The following SENP7 variants were observed in gnomAD, a reference collection of about 807,000 sequenced individuals.
The protein encoded by SENP7 is sentrin-specific protease 7.
A neutral mutation model predicts 141.2 loss-of-function variants in SENP7; 64 were observed. The observed-to-expected ratio is 0.45, with a 90% confidence interval of 0.37 to 0.56. The LOEUF (loss-of-function observed/expected upper bound fraction) is 0.56, where lower values mean the gene tolerates loss of function less well. SENP7 is among the 20% of genes least tolerant of loss of function. SENP7 has a pLI of 0.00. For missense variants in SENP7, 1,025 were observed against 1,212.2 expected (o/e 0.85, Z 2.29); for synonymous variants, 382 against 426.4 (o/e 0.90, Z 1.28).
chr3:101,499,400 G>A (rs1054849813), intron 2 of SENP7, among the ~76,000 whole-genome samples: 2 of 152,040 alleles, frequency 1.3e-5, no homozygotes, highest in African/African-American at 4.8e-5. Flanking sequence ...ACAGAGTCTC[G>A]CTCTGTCACC....
intron 5 of SENP7, among the ~76,000 whole-genome samples, chr3:101,400,909 A>C (rs1238922503): frequency 1.3e-5 from 2 of 152,142 alleles, no homozygotes; most frequent in Admixed American, 1.3e-4. Context: ...AGCCTGGGAA[A>C]CACGGCAAGA....
intron 5 of SENP7, among the ~76,000 whole-genome samples, chr3:101,415,238 G>T (rs375497631): frequency 3.7e-5 from 4 of 107,496 alleles, no homozygotes; most frequent in Non-Finnish European, 8.9e-5. Context: ...AAGGTTCCTT[G>T]ATCCCCATTT....
chr3:101,503,491 T>C (rs1304492649), intron 1 of SENP7, among the ~76,000 whole-genome samples: 1 of 152,210 alleles, frequency 6.6e-6, no homozygotes. Context: ...ATTCATATAA[T>C]GGAAAACTGT....
At chr3:101,335,525 G>A (rs1233005165) in intron 17 of SENP7, among the ~76,000 whole-genome samples, 1 of 152,138 alleles carries the variant, frequency 6.6e-6, no homozygotes, top group Non-Finnish European at 1.5e-5. Flanking sequence ...GTGTGTGTGT[G>A]TGTAGTATCT....
intron 4 of SENP7, among the ~76,000 whole-genome samples, chr3:101,446,004 G>A (rs529816669): frequency 6.6e-6 from 1 of 152,270 alleles, no homozygotes; most frequent in Non-Finnish European, 1.5e-5. Flanking sequence ...ATGTCATATT[G>A]TAATCCCCAA....
intron 9 of SENP7, among the ~76,000 whole-genome samples, 160 bp from the exon 10 acceptor site, chr3:101,365,151 C>A (rs1388745232): frequency 2.0e-5 from 3 of 151,704 alleles, no homozygotes; most frequent in Non-Finnish European, 4.4e-5. Context: ...TACAGGCATG[C>A]GCCACCATGC....
At chr3:101,436,911 G>A (rs2062410476) in intron 4 of SENP7, among the ~76,000 whole-genome samples, 2 of 152,194 alleles carry the variant, frequency 1.3e-5, no homozygotes, top group South Asian at 4.1e-4. Context: ...GTATGATCCA[G>A]CCATTCCACT....
intron 8 of SENP7, 68 bp downstream of exon 8, chr3:101,367,762 G>T: frequency 1.0e-6 from 1 of 991,662 alleles, no homozygotes; most frequent in Non-Finnish European, 1.5e-6. Context: ...ACATTATTTG[G>T]CCACAGTCAA....
At chr3:101,327,619 GTATGGTGGTAAC>G in intron 23 of SENP7, 35 bp downstream of exon 23, 1 of 1,461,776 alleles carries the variant, frequency 6.8e-7, no homozygotes, top group Non-Finnish European at 9.3e-7. Flanking sequence ...ACTTGTGACC[GTATGGTGGTAAC>G]TGTGAATTAA....
intron 6 of SENP7, among the ~76,000 whole-genome samples, chr3:101,374,026 AT>A (rs1051914453): frequency 1.3e-5 from 2 of 152,198 alleles, no homozygotes; most frequent in Non-Finnish European, 2.9e-5. Flanking sequence ...AATTCTAAGA[AT>A]TTTTTTAAAT....
At chr3:101,365,900 A>G (rs774413940) in intron 9 of SENP7, among the ~76,000 whole-genome samples, 1 of 152,178 alleles carries the variant, frequency 6.6e-6, no homozygotes, top group Non-Finnish European at 1.5e-5. Flanking sequence ...CTAACAGTGT[A>G]TTGTGCCATC....
intron 5 of SENP7, among the ~76,000 whole-genome samples, chr3:101,408,092 G>A (rs928911537): frequency 4.6e-5 from 7 of 151,880 alleles, no homozygotes; most frequent in African/African-American, 7.3e-5. Context: ...GAAACAAAAC[G>A]GGAGATATTA....
chr3:101,378,360 T>C (rs1272407787), intron 6 of SENP7, among the ~76,000 whole-genome samples: 2 of 151,520 alleles, frequency 1.3e-5, no homozygotes, highest in African/African-American at 2.4e-5. Flanking sequence ...GAAAGTGTAA[T>C]GAAGAATGAA....
intron 4 of SENP7, among the ~76,000 whole-genome samples, chr3:101,441,196 CCATGCT>C (rs1240253090): frequency 6.6e-6 from 1 of 152,154 alleles, no homozygotes; most frequent in South Asian, 2.1e-4. Flanking sequence ...AAGCCCATGC[CCATGCT>C]GTCCAGAAGC....
intron 20 of SENP7, among the ~76,000 whole-genome samples, chr3:101,329,775 T>TAA (rs762298259): frequency 6.4e-4 from 64 of 100,456 alleles, no homozygotes; most frequent in East Asian, 1.1e-3. Context: ...CCATCTCTAC[T>TAA]AAAAAAAAAA....
chr3:101,407,576 C>T (rs1294956257), intron 5 of SENP7, among the ~76,000 whole-genome samples: 1 of 152,070 alleles, frequency 6.6e-6, no homozygotes, highest in African/African-American at 2.4e-5. Context: ...ACTGAAATTA[C>T]ACCAAGCACT....
chr3:101,344,693 G>A (rs916081003), intron 13 of SENP7, among the ~76,000 whole-genome samples: 1 of 152,120 alleles, frequency 6.6e-6, no homozygotes, highest in Non-Finnish European at 1.5e-5. Flanking sequence ...GTGCATATGG[G>A]AAAGTATTCA....
intron 4 of SENP7, among the ~76,000 whole-genome samples, chr3:101,444,218 C>T (rs1207531667): frequency 1.4e-5 from 2 of 141,202 alleles, no homozygotes; most frequent in Non-Finnish European, 3.1e-5. Context: ...GTTAGAATGG[C>T]GATCATTAAA....
chr3:101,512,233 G>A (rs768266262), intron 1 of SENP7, among the ~76,000 whole-genome samples: 2 of 152,186 alleles, frequency 1.3e-5, no homozygotes, highest in Non-Finnish European at 2.9e-5. Flanking sequence ...TGGACTGTAA[G>A]CATATGAGTC....
Sources: allele counts gnomAD v4.1 joint callset (sites outside exome capture counted in the v4.1 genomes callset), GRCh38; gene constraint gnomAD v4.1.1; transcripts MANE v1.5; gene names NCBI Gene and HGNC (gene_info 2026-07-23, HGNC 2026-07-21).